TMEM41A: variants seen among roughly 807,000 people sequenced by gnomAD.
TMEM41A encodes the protein transmembrane protein 41A.
In TMEM41A, 20 loss-of-function variants were observed where a neutral mutation model predicts 25.7. That is an observed-to-expected ratio of 0.78 (90% CI 0.55 to 1.13). TMEM41A has a LOEUF of 1.13. TMEM41A is among the 50% of genes most tolerant of loss of function. TMEM41A has a pLI of 0.00. For missense variants in TMEM41A, 299 were observed against 314.3 expected (o/e 0.95, Z 0.37); for synonymous variants, 133 against 139.6 (o/e 0.95, Z 0.33).
In TMEM41A at chr3:185,494,737, A is replaced by C. The variant is rs947814494; in HGVS notation, c.460T>G (p.Phe154Val). ...AGTCTCAAAAACAATAAGAAAAAAA[A>C]CAAGCTGTTTCTGTTCTCCTCCACC... The part of the protein sequence containing the change: ...RKVEENRNSL[F>V]FFLLFLRLFP... The change falls in exon 4 of 5, where the codon TTT becomes GTT. Residue 154 changes from phenylalanine (F) to valine (V), a missense_variant. Phe to Val is a conservative substitution (Grantham distance 50). Transcript: ENST00000421852. The C allele has an allele frequency of 7.9e-5, 128 of 1,612,106 alleles. No individual in the cohort carries two copies. The highest frequency in any genetic ancestry group is 1.0e-4 in the Non-Finnish European group (121 of 1,179,492).
At chr3:185,493,452 C>T (rs569145722) in intron 4 of TMEM41A, 1 of 152,292 alleles carries the variant, frequency 6.6e-6, no homozygotes, top group African/African-American at 2.4e-5. Flanking sequence ...GAGTCCTACC[C>T]CAGAGATGAT....
intron 4 of TMEM41A, 37 bp from the exon 5 acceptor site, chr3:185,491,794 A>G: frequency 6.7e-7 from 1 of 1,496,548 alleles, no homozygotes; most frequent in East Asian, 2.3e-5. Context: ...TGTTACAAGC[A>G]GCAGCAAAAT....
intron 4 of TMEM41A, chr3:185,492,523 T>C (rs1458383409): frequency 2.0e-5 from 3 of 152,230 alleles, no homozygotes; most frequent in Non-Finnish European, 4.4e-5. Flanking sequence ...ATTCACATTC[T>C]GTACTGTCTC....
Position 185,498,988 on chromosome 3 carries a change from G to A in TMEM41A, c.-27C>T. The stretch of plus-strand genomic sequence containing the variant: ...TCGGCTCCGCACCCCGGCCCGCGGG[G>A]CAGCCGAGAAGCTCACTTGCACTCC... On this transcript the variant is annotated 5_prime_UTR_variant, in exon 1 of 5. Coordinates refer to ENST00000421852, the MANE Select transcript of TMEM41A (RefSeq NM_080652.4). 3 of 1,574,634 alleles carry A rather than the reference G, an allele frequency of 1.9e-6. No individual in the cohort carries two copies. The highest frequency in any genetic ancestry group is 2.6e-6 in the Non-Finnish European group (3 of 1,158,828).
At chr3:185,495,636 C>G (rs141033577) in intron 2 of TMEM41A, 161 of 297,146 alleles carry the variant, frequency 5.4e-4, no homozygotes, top group Middle Eastern at 4.2e-3. Flanking sequence ...GAGATGGGGT[C>G]TCACTGTGTT....
chr3:185,498,896 C>T lies in TMEM41A; in HGVS notation c.66G>A (p.Ser22=), dbSNP rs770689854. ...GTCTCCGCCCGCGGGGCAGTCGCGT[C>T]GACAGCAAGTACAAGGCGAAGGTGC... ...AGCTFALYLL[S]TRLPRGRRLG... is the part of the protein sequence containing the mutation. The change falls in exon 1 of 5, where the codon TCG becomes TCA. Residue 22 remains serine (S), a synonymous_variant. Coordinates refer to ENST00000421852, the MANE Select transcript of TMEM41A (RefSeq NM_080652.4). The T allele has an allele frequency of 1.2e-6, 2 of 1,606,420 alleles. No homozygotes were observed. The highest frequency in any genetic ancestry group is 2.3e-5 in the East Asian group (1 of 44,262).
At chr3:185,498,630 G>C in intron 1 of TMEM41A, 1 of 535,422 alleles carries the variant, frequency 1.9e-6, no homozygotes, top group Non-Finnish European at 3.3e-6. Flanking sequence ...ACAGGTCCCA[G>C]TCAGGCCCGG....
rs1282969137 is a variant in TMEM41A, at chr3:185,489,744, T to C, written c.*1793A>G. The C allele has an allele frequency of 1.3e-5, 2 of 152,188 alleles. No homozygotes were observed. Among genetic ancestry groups the C allele is most frequent in the African/African-American group, 2.4e-5 (1 of 41,448 alleles). The allele number at this position is 152,188 out of a possible 1,614,324, so 9.4% of individuals were successfully genotyped here. A position where few individuals can be genotyped will look rare whatever the true frequency, so the allele number is the denominator to read the frequency against. ...AGGGGCAAAGGGCACACACTTGCGA[T>C]GATGTGGAAAACATGTTTCTCCTTC... On this transcript the variant is annotated 3_prime_UTR_variant, in exon 5 of 5. Transcript: ENST00000421852.
At position 185,494,664 on chromosome 3, in the gene TMEM41A, A is replaced by C; in HGVS notation, c.533T>G (p.Leu178Arg). The change falls in exon 4 of 5, where the codon CTG becomes CGG. Residue 178 changes from leucine to arginine, a missense_variant. Transcript: ENST00000421852. Reference sequence around the variant, plus strand: ...GAAGAACTGCACGATGGGAATGTTCAGAATTGGGGCCGAGAGGTTCAAGAA... The same window carrying C: ...GAAGAACTGCACGATGGGAATGTTCCGAATTGGGGCCGAGAGGTTCAAGAA... ...NWFLNLSAPI[L>R]NIPIVQFFFS... The C allele has an allele frequency of 5.6e-6, 9 of 1,612,038 alleles. No homozygotes were observed. The highest frequency in any genetic ancestry group is 1.1e-5 in the South Asian group (1 of 90,500).
At chr3:185,494,998 G>C in intron 3 of TMEM41A, 156 bp downstream of exon 3, 1 of 1,017,176 alleles carries the variant, frequency 9.8e-7, no homozygotes, top group African/African-American at 1.6e-5. Context: ...TTTGATCCCA[G>C]GTCTATGTCT....
Position 185,491,735 on chromosome 3 carries a change from GATGAA to G in TMEM41A, c.592_596del (p.Phe198LeufsTer25), listed in dbSNP as rs1381243430. ...ACAGGATGGACCCTGTCTGCACACA[GATGAA>G]ATTATATGGGATCAAACCTGGAAGA... is the stretch of plus-strand genomic sequence containing the variant. On this transcript the variant is annotated frameshift_variant, in exon 5 of 5. Coordinates refer to ENST00000421852, the MANE Select transcript of TMEM41A (RefSeq NM_080652.4). LOFTEE classifies it high-confidence loss of function. The G allele has an allele frequency of 6.2e-7, 1 of 1,613,094 alleles. No individual in the cohort carries two copies. Among genetic ancestry groups the G allele is most frequent in the Non-Finnish European group, 8.5e-7 (1 of 1,179,562 alleles).
chr3:185,496,702 G>T, intron 2 of TMEM41A, 126 bp downstream of exon 2: 1 of 1,249,870 alleles, frequency 8.0e-7, no homozygotes, highest in Non-Finnish European at 1.1e-6. Flanking sequence ...GGGCCACTGT[G>T]TGCCAGCCCC....
rs1718914215 is a variant in TMEM41A, at chr3:185,490,504, AG to A, written c.*1032del. The A allele has an allele frequency of 6.6e-6, 1 of 152,216 alleles. No individual in the cohort carries two copies. Among genetic ancestry groups the A allele is most frequent in the Non-Finnish European group, 1.5e-5 (1 of 68,042 alleles). 9.4% of individuals were successfully genotyped at this position (152,216 alleles called of 1,614,324 possible). A position where few individuals can be genotyped will look rare whatever the true frequency, so the allele number is the denominator to read the frequency against. On this transcript the variant is annotated 3_prime_UTR_variant, in exon 5 of 5. Transcript: ENST00000421852. ...TCTCCAGAACATATCCATGACATAC[AG>A]CGTTTGCTCCATTCATATTTAATAG...
intron 4 of TMEM41A, chr3:185,493,208 A>T (rs1719007538): frequency 6.6e-6 from 1 of 152,204 alleles, no homozygotes; most frequent in Non-Finnish European, 1.5e-5. Context: ...CACTCTGATA[A>T]AGGTGGTCCA....
In TMEM41A at chr3:185,496,947, G is replaced by T. The variant is rs764878118; in HGVS notation, c.154C>A (p.Arg52=). 6.2e-7 allele frequency: 1 copy of T among 1,600,088 alleles called. No homozygotes were observed. Among genetic ancestry groups the T allele is most frequent in the South Asian group, 1.1e-5 (1 of 88,202 alleles). ...TCTCGAAGGACCTCAGAGAGCTCCCGCAGCTCTGCCAGGTCGGAGGGGAAC... is the reference window on the plus strand; with the variant it reads ...TCTCGAAGGACCTCAGAGAGCTCCCTCAGCTCTGCCAGGTCGGAGGGGAAC... ...LWFPSDLAEL[R]ELSEVLREYR... is the part of the protein sequence containing the mutation. Residue 52 remains arginine, a synonymous_variant, in exon 2 of 5, where the codon CGG becomes AGG. Transcript: ENST00000421852.
In TMEM41A at chr3:185,498,825, C is replaced by G. The variant is rs760745618; in HGVS notation, c.119+18G>C. ...CGGCTCCCTTCCTCTGACCCGAACC[C>G]GGATTCCCGCCACGCACCTGCCTCC... On this transcript the variant is annotated intron_variant, in intron 1 of 4. Coordinates refer to ENST00000421852, the MANE Select transcript of TMEM41A (RefSeq NM_080652.4). 1 of 1,567,428 alleles carries G rather than the reference C, an allele frequency of 6.4e-7. No individual in the cohort carries two copies. Among genetic ancestry groups the G allele is most frequent in the African/African-American group, 1.4e-5 (1 of 71,618 alleles).
chr3:185,495,364 G>T, intron 2 of TMEM41A, 49 bp from the exon 3 acceptor site: 1 of 1,579,400 alleles, frequency 6.3e-7, no homozygotes. Flanking sequence ...GCAGCTACCA[G>T]GCACGTCATC....
chr3:185,497,308 T>G (rs1719132744), intron 1 of TMEM41A, among the ~76,000 whole-genome samples: 1 of 152,208 alleles, frequency 6.6e-6, no homozygotes, highest in Non-Finnish European at 1.5e-5. Context: ...CCCCTTTAGC[T>G]CTGGGATTTT....
At position 185,495,323 on chromosome 3, in the gene TMEM41A, TAAAAC is replaced by T. The variant is rs1416698909; in HGVS notation, c.274-13_274-9del. The T allele has an allele frequency of 1.9e-6, 3 of 1,612,372 alleles. No individual in the cohort carries two copies. The highest frequency in any genetic ancestry group is 1.7e-5 in the Admixed American group (1 of 59,920). On this transcript the variant is annotated splice_polypyrimidine_tract_variant and intron_variant, in intron 2 of 4. Coordinates refer to ENST00000421852, the MANE Select transcript of TMEM41A (RefSeq NM_080652.4). ...GGCACCAGCTAAAACATTCTGCAAA[TAAAAC>T]AAACCCTCAGGCATGTGAACATCTG... is the stretch of plus-strand genomic sequence containing the variant.
Sources: allele counts gnomAD v4.1 joint callset (sites outside exome capture counted in the v4.1 genomes callset), GRCh38; gene constraint gnomAD v4.1.1; transcripts MANE v1.5; gene names NCBI Gene and HGNC (gene_info 2026-07-23, HGNC 2026-07-21).